Variants in MKLN1 observed in about 807,000 individuals in gnomAD.
MKLN1 encodes the protein muskelin.
A neutral mutation model predicts 99.0 loss-of-function variants in MKLN1; 18 were observed. The ratio of observed to expected loss-of-function variants is 0.18; its 90% CI spans 0.13 to 0.27. The LOEUF (loss-of-function observed/expected upper bound fraction) is 0.27. Ranked by LOEUF, MKLN1 falls within the 10% of genes least tolerant of loss-of-function variation. The probability of loss-of-function intolerance (pLI) is 1.00; values close to 1 mark genes in which losing one functional copy is unlikely to be tolerated. For missense variants in MKLN1, 621 were observed against 875.9 expected, an observed-to-expected ratio of 0.71 and a Z score of 3.67; for synonymous variants, 288 against 293.2, an observed-to-expected ratio of 0.98 and a Z score of 0.18.
At chr7:131,179,165 T>A (rs1796343451) in intron 2 of MKLN1, among the ~76,000 whole-genome samples, 1 of 152,204 alleles carries the variant, frequency 6.6e-6, no homozygotes, top group Non-Finnish European at 1.5e-5. Flanking sequence ...TCTTTACTAG[T>A]GAAATAATAA....
chr7:131,430,518 T>G (rs187444290), intron 9 of MKLN1, among the ~76,000 whole-genome samples: 17 of 152,280 alleles, frequency 1.1e-4, no homozygotes, highest in Non-Finnish European at 1.8e-4. Context: ...CGATGACATC[T>G]GTAATTATTC....
rs1797370641 is a variant in MKLN1, at chr7:131,489,482, C to T, written c.*1754C>T. 1 of 152,104 alleles carries T rather than the reference C, an allele frequency of 6.6e-6. No homozygotes were observed. 9.4% of individuals were successfully genotyped at this position (152,104 alleles called of 1,614,324 possible). ...TTCAACAGTTTCATAAAACGATTCCCCTGAGTGACACAAGAACATAAAATG... is the reference window on the plus strand; with the variant it reads ...TTCAACAGTTTCATAAAACGATTCCTCTGAGTGACACAAGAACATAAAATG... On this transcript the variant is annotated 3_prime_UTR_variant, in exon 18 of 18. Coordinates refer to ENST00000352689, the MANE Select transcript of MKLN1 (RefSeq NM_013255.5).
intron 1 of MKLN1, among the ~76,000 whole-genome samples, chr7:131,126,995 G>T (rs548645078): frequency 6.6e-6 from 1 of 152,020 alleles, no homozygotes; most frequent in African/African-American, 2.4e-5. Flanking sequence ...GAAAAACTCC[G>T]TCTCTACTAA....
intron 9 of MKLN1, among the ~76,000 whole-genome samples, chr7:131,434,584 CT>C (rs1403228630): frequency 6.6e-6 from 1 of 152,038 alleles, no homozygotes; most frequent in Admixed American, 6.6e-5. Context: ...GAGACAGAGT[CT>C]TTCTGTTGCC....
In MKLN1 at chr7:131,129,228, G is replaced by A. The variant is rs79540035; in HGVS notation, c.-418-13592G>A. ...AAATGATATCTTACATGGATAAAGA[G>A]TCAGGGAAATAAGCACTCTCATACC... On this transcript the variant is annotated intron_variant, in intron 1 of 7. Coordinates refer to the MKLN1 transcript ENST00000416992. 1.2e-3 allele frequency among the ~76,000 whole-genome samples: 178 copies of A among 152,252 alleles called. 2 individuals carry two copies. The East Asian group carries it at 0.03, about 26-fold the overall frequency.
rs1395929280 is a variant in MKLN1 at position 131,165,398 on chromosome 7, G to GCTGGTCTCGAACT, written c.-297+22459_-297+22471dup. Among the ~76,000 whole-genome samples, 209 of 152,208 alleles carry GCTGGTCTCGAACT rather than the reference G, an allele frequency of 1.4e-3. 1 individual carries two copies. The highest frequency in any genetic ancestry group is 4.8e-3 in the African/African-American group (199 of 41,542). On this transcript the variant is annotated intron_variant, in intron 2 of 7. Coordinates refer to the MKLN1 transcript ENST00000416992. ...AACAGAATTTCACCATGTTGGCCAGGCTGGTCTCGAACTCCTGACCTTGTG... is the reference window on the plus strand; with the variant it reads ...AACAGAATTTCACCATGTTGGCCAGGCTGGTCTCGAACTCTGGTCTCGAACTCCTGACCTTGTG...
At chr7:131,131,789 G>T (rs1052208452) in intron 1 of MKLN1, among the ~76,000 whole-genome samples, 14 of 152,100 alleles carry the variant, frequency 9.2e-5, no homozygotes, top group African/African-American at 3.1e-4. Context: ...TTCTGCTAAG[G>T]AATCAAAGTT....
chr7:131,118,568 A>G (rs1339714307), intron 1 of MKLN1, among the ~76,000 whole-genome samples: 2 of 151,638 alleles, frequency 1.3e-5, no homozygotes, highest in African/African-American at 4.8e-5. Context: ...AAAAAAAAAG[A>G]AAGAAAGAAA....
At chr7:131,117,324 G>A (rs550044162) in intron 1 of MKLN1, among the ~76,000 whole-genome samples, 1 of 151,952 alleles carries the variant, frequency 6.6e-6, no homozygotes, top group Admixed American at 6.6e-5. Context: ...CAGCTACTCG[G>A]GAGGCTGAGG....
At chr7:131,113,633 G>A (rs1454892206) in intron 1 of MKLN1, among the ~76,000 whole-genome samples, 2 of 56,586 alleles carry the variant, frequency 3.5e-5, no homozygotes, top group East Asian at 1.2e-3. Context: ...ACCAGCCTGG[G>A]CAACATGGTG....
chr7:131,270,336 C>T (rs1254098422), intron 3 of MKLN1, among the ~76,000 whole-genome samples: 1 of 152,182 alleles, frequency 6.6e-6, no homozygotes, highest in Non-Finnish European at 1.5e-5. Context: ...AATTCTCCTG[C>T]CTCAGCCTCC....
intron 4 of MKLN1, among the ~76,000 whole-genome samples, chr7:131,393,597 A>G (rs1794269189): frequency 6.6e-6 from 1 of 151,872 alleles, no homozygotes; most frequent in African/African-American, 2.4e-5. Flanking sequence ...TTTCACTGCA[A>G]GTGTTTTAAA....
intron 1 of MKLN1, among the ~76,000 whole-genome samples, chr7:131,125,437 G>C (rs1795438594): frequency 6.6e-6 from 1 of 152,192 alleles, no homozygotes; most frequent in Non-Finnish European, 1.5e-5. Flanking sequence ...ACATGAACGA[G>C]AGGAGCAAGT....
intron 3 of MKLN1, among the ~76,000 whole-genome samples, chr7:131,316,301 C>A (rs1197618549): frequency 6.6e-6 from 1 of 152,138 alleles, no homozygotes; most frequent in Non-Finnish European, 1.5e-5. Flanking sequence ...CTGGTGATAC[C>A]CAGGCAAATA....
At chr7:131,201,334 T>C (rs926331117) in intron 2 of MKLN1, among the ~76,000 whole-genome samples, 1 of 152,326 alleles carries the variant, frequency 6.6e-6, no homozygotes, top group East Asian at 1.9e-4. Flanking sequence ...TTCAATTTTT[T>C]AATGTTTGAA....
intron 3 of MKLN1, among the ~76,000 whole-genome samples, chr7:131,225,892 G>T (rs1413075967): frequency 1.3e-5 from 2 of 152,160 alleles, no homozygotes; most frequent in African/African-American, 4.8e-5. Flanking sequence ...GGGAAAAAAG[G>T]TATAAACAGA....
At chr7:131,365,445 G>A (rs1053996597) in intron 1 of MKLN1, among the ~76,000 whole-genome samples, 9 of 152,166 alleles carry the variant, frequency 5.9e-5, no homozygotes, top group Admixed American at 3.3e-4. Context: ...AAGCTCTTAA[G>A]TTTAATTAGA....
At chr7:131,339,887 A>C (rs558608821) in intron 1 of MKLN1, among the ~76,000 whole-genome samples, 3 of 152,276 alleles carry the variant, frequency 2.0e-5, no homozygotes, top group Admixed American at 6.5e-5. Context: ...GTTAGTATTT[A>C]ATACTTTAAA....
intron 1 of MKLN1, among the ~76,000 whole-genome samples, chr7:131,348,919 T>C (rs1290087494): frequency 6.6e-6 from 1 of 152,178 alleles, no homozygotes; most frequent in Non-Finnish European, 1.5e-5. Context: ...TTAATTTCTC[T>C]AGCCTTTTAT....
Sources: allele counts gnomAD v4.1 joint callset (sites outside exome capture counted in the v4.1 genomes callset), GRCh38; gene constraint gnomAD v4.1.1; transcripts MANE v1.5; gene names NCBI Gene and HGNC (gene_info 2026-07-23, HGNC 2026-07-21).